The following CDH18 variants were observed in gnomAD, a reference collection of about 807,000 sequenced individuals.
CDH18 encodes the protein cadherin 18, also known as cadherin-18.
A neutral mutation model predicts 67.9 loss-of-function variants in CDH18; 31 were observed. That is an observed-to-expected ratio of 0.46 (90% CI 0.34 to 0.62). The LOEUF is 0.62. CDH18 is among the 20% of genes least tolerant of loss of function. The probability of loss-of-function intolerance (pLI) is 0.01; values close to 1 mark genes in which losing one functional copy is unlikely to be tolerated. For synonymous variants in CDH18, 362 were observed against 347.2 expected, an observed-to-expected ratio of 1.04 and a Z score of -0.48; for missense variants, 890 against 975.5, an observed-to-expected ratio of 0.91 and a Z score of 1.17.
At chr5:19,622,633 C>T (rs1750895595) in intron 5 of CDH18, among the ~76,000 whole-genome samples, 1 of 152,126 alleles carries the variant, frequency 6.6e-6, no homozygotes, top group Non-Finnish European at 1.5e-5. Flanking sequence ...AGCCTGTGAG[C>T]TTTCTGGTAA....
chr5:20,055,469 G>C (rs1741819591), intron 2 of CDH18, among the ~76,000 whole-genome samples: 1 of 152,232 alleles, frequency 6.6e-6, no homozygotes, highest in Non-Finnish European at 1.5e-5. Flanking sequence ...CAATAGGCAA[G>C]TGAGATGAGT....
intron 1 of CDH18, among the ~76,000 whole-genome samples, chr5:20,294,418 T>C (rs772681287): frequency 5.3e-5 from 8 of 152,330 alleles, no homozygotes; most frequent in Non-Finnish European, 1.0e-4. Flanking sequence ...TTAATGCGAT[T>C]GGTGGGTTTT....
intron 1 of CDH18, among the ~76,000 whole-genome samples, chr5:20,568,173 G>A (rs986855): frequency 1.3e-5 from 2 of 152,116 alleles, no homozygotes; most frequent in Non-Finnish European, 2.9e-5. Context: ...CCTTCTCTAA[G>A]GTTCTAGAGT....
intron 3 of CDH18, among the ~76,000 whole-genome samples, chr5:19,826,509 A>T (rs1780417376): frequency 6.6e-6 from 1 of 152,192 alleles, no homozygotes; most frequent in Non-Finnish European, 1.5e-5. Context: ...AGGGAAACTC[A>T]TCAGGCTAAC....
intron 1 of CDH18, among the ~76,000 whole-genome samples, chr5:20,287,015 TA>T (rs1245150368): frequency 1.3e-5 from 2 of 151,808 alleles, no homozygotes; most frequent in Non-Finnish European, 3.0e-5. Flanking sequence ...CTTTCAAACT[TA>T]AATTATCAAA....
intron 2 of CDH18, among the ~76,000 whole-genome samples, chr5:19,839,721 G>A (rs901154754): frequency 6.6e-6 from 1 of 152,134 alleles, no homozygotes; most frequent in African/African-American, 2.4e-5. Flanking sequence ...GATTGGTAAA[G>A]TTGGGTGTGA....
rs1561831482 is a variant in CDH18, at chr5:20,149,729, TAA to T, written c.-518+105713_-518+105714del. On this transcript the variant is annotated intron_variant, in intron 2 of 14. Transcript: ENST00000507958. ...ATTTGAAGGCTTAATCTTTGTACTT[TAA>T]AAAGTCTATTCTGCAAACTTTAACC... Among the ~76,000 whole-genome samples, 6 of 152,278 alleles carry T rather than the reference TAA, an allele frequency of 3.9e-5. No individual in the cohort carries two copies. The East Asian group carries it at 9.7e-4, about 24-fold the overall frequency.
intron 4 of CDH18, among the ~76,000 whole-genome samples, chr5:19,745,117 T>A (rs182133169): frequency 1.7e-3 from 257 of 152,348 alleles, no homozygotes; most frequent in African/African-American, 5.8e-3. Context: ...CACAATTTTA[T>A]GTTTGTTTCT....
intron 5 of CDH18, among the ~76,000 whole-genome samples, chr5:19,641,981 A>T (rs1025587353): frequency 6.6e-6 from 1 of 152,040 alleles, no homozygotes; most frequent in Admixed American, 6.5e-5. Context: ...TGGAAATAAT[A>T]AATCTAGTAA....
intron 2 of CDH18, among the ~76,000 whole-genome samples, chr5:19,945,386 G>C (rs1795194646): frequency 6.6e-6 from 1 of 152,114 alleles, no homozygotes; most frequent in African/African-American, 2.4e-5. Flanking sequence ...CTAAGCCAAA[G>C]AAGGGCAACT....
At chr5:20,355,256 C>T (rs1232853760) in intron 1 of CDH18, among the ~76,000 whole-genome samples, 1 of 152,198 alleles carries the variant, frequency 6.6e-6, no homozygotes, top group African/African-American at 2.4e-5. Flanking sequence ...GTATGGCTCT[C>T]CCTACAACAT....
At chr5:19,864,079 G>A (rs1039612533) in intron 2 of CDH18, among the ~76,000 whole-genome samples, 14 of 150,892 alleles carry the variant, frequency 9.3e-5, no homozygotes, top group African/African-American at 2.2e-4. Flanking sequence ...ACATGCACAC[G>A]TATGTTTATT....
chr5:19,893,024 C>T (rs1039865472), intron 2 of CDH18, among the ~76,000 whole-genome samples: 28 of 152,100 alleles, frequency 1.8e-4, no homozygotes, highest in African/African-American at 5.1e-4. Flanking sequence ...AATGTGATAG[C>T]AGTGAGAGAT....
chr5:19,539,745 G>A (rs1184326370), intron 9 of CDH18, among the ~76,000 whole-genome samples: 1 of 152,150 alleles, frequency 6.6e-6, no homozygotes, highest in Non-Finnish European at 1.5e-5. Context: ...CAGATTTCAT[G>A]AGACTTATTC....
chr5:20,391,177 C>T (rs2150115699), intron 1 of CDH18, among the ~76,000 whole-genome samples: 1 of 151,810 alleles, frequency 6.6e-6, no homozygotes, highest in East Asian at 1.9e-4. Flanking sequence ...GCAAGAACTG[C>T]CATAAACATG....
intron 2 of CDH18, among the ~76,000 whole-genome samples, chr5:20,123,820 G>A (rs886164974): frequency 6.6e-6 from 1 of 151,062 alleles, no homozygotes; most frequent in Non-Finnish European, 1.5e-5. Flanking sequence ...CCCGGAGGCG[G>A]AGCTTGCAGT....
At chr5:20,337,102 C>G (rs1177503054) in intron 1 of CDH18, among the ~76,000 whole-genome samples, 1 of 152,194 alleles carries the variant, frequency 6.6e-6, no homozygotes, top group South Asian at 2.1e-4. Context: ...TTCAGACCCC[C>G]TCTCTTTGCC....
chr5:19,747,287 C>T lies in CDH18; in HGVS notation c.229-51G>A, dbSNP rs368295466. On this transcript the variant is annotated intron_variant, in intron 3 of 12. Coordinates refer to ENST00000382275, the MANE Select transcript of CDH18 (RefSeq NM_004934.5). The stretch of plus-strand genomic sequence containing the variant: ...AGCATATATTTATATTCCAACCTCA[C>T]ATTATGTTCTCTGAAAACTCCCTAT... 49 of 1,457,590 alleles carry T rather than the reference C, an allele frequency of 3.4e-5. No individual in the cohort carries two copies. In the South Asian group the frequency reaches 5.5e-4, roughly 16 times the overall value. 90.3% of individuals were successfully genotyped at this position (1,457,590 alleles called of 1,614,324 possible).
At chr5:19,757,483 T>C (rs1481384665) in intron 3 of CDH18, among the ~76,000 whole-genome samples, 2 of 152,156 alleles carry the variant, frequency 1.3e-5, no homozygotes, top group Admixed American at 1.3e-4. Context: ...GTAACCTCCA[T>C]CCCTGCCAAC....
Sources: gnomAD v4.1 joint callset for allele counts (sites outside exome capture counted in the v4.1 genomes callset) on GRCh38, gnomAD v4.1.1 for gene constraint, MANE v1.5 for transcripts, NCBI Gene and HGNC (gene_info 2026-07-23, HGNC 2026-07-21) for gene names.